The following LRRC4C variants were observed in gnomAD, a reference collection of about 807,000 sequenced individuals.
The protein encoded by LRRC4C is leucine-rich repeat-containing protein 4C.
LRRC4C carries 5 observed loss-of-function variants against 33.6 expected under a neutral mutation model. That is an observed-to-expected ratio of 0.15 (90% CI 0.08 to 0.31). LRRC4C has a LOEUF of 0.31. LRRC4C is among the 10% of genes least tolerant of loss of function. The pLI is 1.00. For missense variants in LRRC4C, 560 were observed against 796.7 expected (o/e 0.70, Z 3.58); for synonymous variants, 329 against 302.0 (o/e 1.09, Z -0.93).
chr11:40,186,280 C>G (rs1171749917), intron 5 of LRRC4C, among the ~76,000 whole-genome samples: 1 of 152,130 alleles, frequency 6.6e-6, no homozygotes, highest in Non-Finnish European at 1.5e-5. Context: ...ATGCTTTTCC[C>G]ATTTTTCTGA....
At chr11:40,847,407 T>C (rs1006924977) in intron 2 of LRRC4C, among the ~76,000 whole-genome samples, 5 of 152,210 alleles carry the variant, frequency 3.3e-5, no homozygotes, top group Admixed American at 6.6e-5. Context: ...GAGATAATCA[T>C]GTGGTTTTTG....
At chr11:40,987,863 G>A (rs1417855986) in intron 1 of LRRC4C, among the ~76,000 whole-genome samples, 1 of 151,726 alleles carries the variant, frequency 6.6e-6, no homozygotes, top group South Asian at 2.1e-4. Context: ...TGCCATGCTG[G>A]TCTCTTGTCT....
At chr11:40,711,722 G>GAAA (rs5791398) in intron 2 of LRRC4C, among the ~76,000 whole-genome samples, 2 of 136,842 alleles carry the variant, frequency 1.5e-5, no homozygotes, top group Admixed American at 7.2e-5. Flanking sequence ...TTCAGAGTTA[G>GAAA]AAAAAAAAAA....
rs539319069 is a variant in LRRC4C, at chr11:40,269,508, T to G, written c.-175-27910A>C. Among the ~76,000 whole-genome samples the G allele has an allele frequency of 3.4e-4, 51 of 152,218 alleles. 1 individual carries two copies. The South Asian group carries it at 0.011, about 32-fold the overall frequency. On this transcript the variant is annotated intron_variant, in intron 4 of 6. Transcript: ENST00000528697. ...GAGTCCTGGTGATAGCACCTAACCA[T>G]GACTAGGATCAAAGTCTATCTCATT...
At chr11:40,683,666 GTATT>G (rs1403052623) in intron 2 of LRRC4C, among the ~76,000 whole-genome samples, 1 of 152,166 alleles carries the variant, frequency 6.6e-6, no homozygotes, top group African/African-American at 2.4e-5. Flanking sequence ...AAGTAGATAT[GTATT>G]TATTTAAAGA....
At position 41,444,363 on chromosome 11, in the gene LRRC4C, A is replaced by G. The variant is rs911880398; in HGVS notation, c.-496+15068T>C. Among the ~76,000 whole-genome samples, 5 of 152,228 alleles carry G rather than the reference A, an allele frequency of 3.3e-5. No individual in the cohort carries two copies. The East Asian group carries it at 7.7e-4, about 23-fold the overall frequency. On this transcript the variant is annotated intron_variant, in intron 1 of 6. Coordinates refer to ENST00000528697, the MANE Select transcript of LRRC4C (RefSeq NM_001258419.2). ...TAGCATTTCTGTTGTATTACAATTT[A>G]TAAATAATCTTGAGATGATTTAAGT...
intron 3 of LRRC4C, among the ~76,000 whole-genome samples, chr11:40,448,364 C>G (rs759522387): frequency 2.1e-4 from 32 of 152,092 alleles, no homozygotes; most frequent in Non-Finnish European, 4.3e-4. Flanking sequence ...AACCCATCAT[C>G]TACATTAGGT....
intron 1 of LRRC4C, among the ~76,000 whole-genome samples, chr11:41,203,385 C>A (rs921933753): frequency 9.2e-5 from 14 of 152,058 alleles, no homozygotes; most frequent in Non-Finnish European, 1.6e-4. Flanking sequence ...AATACTGGAC[C>A]GTTTTAAATG....
chr11:41,046,971 A>G (rs1857817470), intron 1 of LRRC4C, among the ~76,000 whole-genome samples: 1 of 152,186 alleles, frequency 6.6e-6, no homozygotes, highest in Admixed American at 6.5e-5. Context: ...GATTTTGGAT[A>G]TGACATCAAA....
At chr11:41,133,552 G>A (rs1333119927) in intron 1 of LRRC4C, among the ~76,000 whole-genome samples, 1 of 130,002 alleles carries the variant, frequency 7.7e-6, no homozygotes, top group Non-Finnish European at 1.5e-5. Flanking sequence ...CTTAAAAACT[G>A]AGTTTTCAGT....
chr11:40,453,132 G>A (rs913962308), intron 3 of LRRC4C, among the ~76,000 whole-genome samples: 2 of 152,100 alleles, frequency 1.3e-5, no homozygotes, highest in Non-Finnish European at 2.9e-5. Flanking sequence ...GTATACATAT[G>A]TAACAAACCT....
intron 4 of LRRC4C, among the ~76,000 whole-genome samples, chr11:40,271,915 C>G (rs1942732114): frequency 6.6e-6 from 1 of 152,154 alleles, no homozygotes; most frequent in Non-Finnish European, 1.5e-5. Context: ...GTATCTCCCA[C>G]TCATTCAGTT....
chr11:41,022,903 G>A (rs867594939), intron 1 of LRRC4C, among the ~76,000 whole-genome samples: 1 of 151,828 alleles, frequency 6.6e-6, no homozygotes, highest in Admixed American at 6.6e-5. Flanking sequence ...CAGAAGACAT[G>A]GATAGTCATA....
intron 3 of LRRC4C, among the ~76,000 whole-genome samples, chr11:40,595,599 T>C (rs926492809): frequency 1.3e-5 from 2 of 152,148 alleles, no homozygotes; most frequent in Non-Finnish European, 2.9e-5. Context: ...TGCATCATCT[T>C]TGTGGTATTT....
chr11:40,320,931 T>C (rs1264969671), intron 3 of LRRC4C, among the ~76,000 whole-genome samples: 1 of 152,230 alleles, frequency 6.6e-6, no homozygotes, highest in Admixed American at 6.5e-5. Flanking sequence ...AGGTAAGTTA[T>C]ACTAAGGTGG....
intron 2 of LRRC4C, among the ~76,000 whole-genome samples, chr11:40,880,978 T>C (rs539581228): frequency 8.5e-5 from 13 of 152,078 alleles, no homozygotes; most frequent in African/African-American, 3.1e-4. Flanking sequence ...TGGAAGGTCC[T>C]TGCCCAAGGG....
At chr11:41,213,213 T>C (rs893644595) in intron 1 of LRRC4C, among the ~76,000 whole-genome samples, 1 of 152,170 alleles carries the variant, frequency 6.6e-6, no homozygotes. Context: ...CCACATGTTA[T>C]AAACTAAACA....
chr11:40,784,830 C>A (rs1222547998), intron 2 of LRRC4C, among the ~76,000 whole-genome samples: 2 of 151,472 alleles, frequency 1.3e-5, no homozygotes, highest in East Asian at 3.9e-4. Flanking sequence ...AAGGTGCATA[C>A]AACATGCTTT....
intron 1 of LRRC4C, among the ~76,000 whole-genome samples, chr11:41,038,122 C>G (rs536348759): frequency 1.3e-4 from 20 of 152,284 alleles, no homozygotes; most frequent in African/African-American, 3.9e-4. Flanking sequence ...ATTCAAATCA[C>G]AAGAAAGCAG....
Sources: allele counts gnomAD v4.1 joint callset (sites outside exome capture counted in the v4.1 genomes callset), GRCh38; gene constraint gnomAD v4.1.1; transcripts MANE v1.5; gene names NCBI Gene and HGNC (gene_info 2026-07-23, HGNC 2026-07-21).